Variants in PTPN2 observed in about 807,000 individuals in gnomAD.
PTPN2 encodes tyrosine-protein phosphatase non-receptor type 2.
In PTPN2, 19 loss-of-function variants were observed where a neutral mutation model predicts 57.3. That is an observed-to-expected ratio of 0.33 (90% CI 0.23 to 0.49). The LOEUF (loss-of-function observed/expected upper bound fraction) is 0.49. Among genes scored for constraint, PTPN2 ranks in the 20% least tolerant of loss-of-function variants. The pLI is 0.99. For synonymous variants in PTPN2, 153 were observed against 164.9 expected, an observed-to-expected ratio of 0.93 and a Z score of 0.55; for missense variants, 358 against 501.1, an observed-to-expected ratio of 0.71 and a Z score of 2.73.
chr18:12,824,499 T>C (rs557993699), intron 5 of PTPN2, among the ~76,000 whole-genome samples: 1 of 152,330 alleles, frequency 6.6e-6, no homozygotes, highest in African/African-American at 2.4e-5. Context: ...ATTTACTTAA[T>C]GGTTAACTAA....
chr18:12,884,183 G>A lies in PTPN2; in HGVS notation c.-42C>T, dbSNP rs1301360294. The A allele has an allele frequency of 1.3e-6, 2 of 1,526,164 alleles. No individual in the cohort carries two copies. Among genetic ancestry groups the A allele is most frequent in the South Asian group, 1.2e-5 (1 of 83,608 alleles). 94.5% of individuals were successfully genotyped at this position (1,526,164 alleles called of 1,614,324 possible). A position where few individuals can be genotyped will look rare whatever the true frequency, so the allele number is the denominator to read the frequency against. ...TGGCGCGAGCAGAGCCTGCGCCGGC[G>A]GAGAGGCTCAGGCCCCGCACGATCC... On this transcript the variant is annotated 5_prime_UTR_variant, in exon 1 of 9. Transcript: ENST00000309660.
intron 7 of PTPN2, among the ~76,000 whole-genome samples, chr18:12,807,582 A>ATATATATAT (rs764663687): frequency 6.5e-5 from 4 of 61,492 alleles, no homozygotes; most frequent in Admixed American, 2.5e-4. Context: ...AAAAAAAAAA[A>ATATATATAT]AAAAATATAT....
At chr18:12,842,806 A>AT in intron 2 of PTPN2, among the ~76,000 whole-genome samples, 1 of 152,362 alleles carries the variant, frequency 6.6e-6, no homozygotes, top group South Asian at 2.1e-4. Flanking sequence ...GTAGAGTGTC[A>AT]TAACAATTTA....
downstream of PTPN2, among the ~76,000 whole-genome samples, chr18:12,790,321 G>A (rs1403265378): frequency 2.6e-5 from 4 of 152,118 alleles, no homozygotes; most frequent in Admixed American, 6.5e-5. Flanking sequence ...GGGAATGTAG[G>A]TACTCATTAT....
chr18:12,883,262 A>T (rs2044724591), intron 1 of PTPN2, among the ~76,000 whole-genome samples: 1 of 152,188 alleles, frequency 6.6e-6, no homozygotes, highest in Non-Finnish European at 1.5e-5. Context: ...ATACCTCAGT[A>T]AGGAAAACTA....
At chr18:12,807,568 G>GGA (rs1491298104) in intron 7 of PTPN2, among the ~76,000 whole-genome samples, 5 of 41,196 alleles carry the variant, frequency 1.2e-4, no homozygotes, top group East Asian at 1.2e-3. Context: ...AGAAAATGTG[G>GGA]AAAAAAAAAA....
intron 2 of PTPN2, among the ~76,000 whole-genome samples, chr18:12,837,415 C>T (rs188062035): frequency 5.1e-4 from 78 of 152,090 alleles, no homozygotes; most frequent in Non-Finnish European, 9.9e-4. Flanking sequence ...TTGGAATATT[C>T]CAACTGTATT....
intron 7 of PTPN2, among the ~76,000 whole-genome samples, chr18:12,812,666 A>G (rs1214664316): frequency 1.3e-5 from 2 of 152,150 alleles, no homozygotes; most frequent in African/African-American, 4.8e-5. Flanking sequence ...ATCAGTAATC[A>G]CTTCATATGC....
At chr18:12,832,484 A>T (rs1188447427) in intron 3 of PTPN2, among the ~76,000 whole-genome samples, 1 of 152,138 alleles carries the variant, frequency 6.6e-6, no homozygotes, top group Non-Finnish European at 1.5e-5. Context: ...ATATTACTTA[A>T]ATGAATAAAC....
chr18:12,833,538 G>A (rs2042742510), intron 3 of PTPN2, among the ~76,000 whole-genome samples: 1 of 152,170 alleles, frequency 6.6e-6, no homozygotes, highest in South Asian at 2.1e-4. Flanking sequence ...TACAGAGAGG[G>A]AATGCAGAAG....
rs144020314 is a variant in PTPN2 at position 12,794,958 on chromosome 18, T to C, written c.1041-473A>G. On this transcript the variant is annotated intron_variant, in intron 8 of 8. Coordinates refer to ENST00000309660, the MANE Select transcript of PTPN2 (RefSeq NM_002828.4). ...TCAATATTCTTTAATGATTCAGAGA[T>C]GTACCTTGACAACCATTCCTGGTAC... Among the ~76,000 whole-genome samples the C allele has an allele frequency of 7.4e-3, 1,131 of 152,322 alleles. 14 individuals are homozygous for C. Among genetic ancestry groups the C allele is most frequent in the African/African-American group, 0.026 (1,079 of 41,582 alleles).
intron 3 of PTPN2, among the ~76,000 whole-genome samples, chr18:12,835,402 G>GTTT (rs2042826926): frequency 1.5e-4 from 1 of 6,844 alleles, no homozygotes; most frequent in Non-Finnish European, 3.9e-4. Flanking sequence ...TTTTTGGACA[G>GTTT]TTTTGCTCTT....
chr18:12,789,279 T>C (rs1393514957), downstream of PTPN2, among the ~76,000 whole-genome samples: 2 of 152,162 alleles, frequency 1.3e-5, no homozygotes, highest in Non-Finnish European at 2.9e-5. Flanking sequence ...GCTTTGAAGA[T>C]AGCTATAAGG....
At chr18:12,851,273 A>T in intron 2 of PTPN2, among the ~76,000 whole-genome samples, 2 of 9,244 alleles carry the variant, frequency 2.2e-4, no homozygotes, top group Admixed American at 2.4e-3. Flanking sequence ...AGGTCAGGAG[A>T]TCGAGACCAT....
At chr18:12,808,311 A>G (rs892652719) in intron 7 of PTPN2, among the ~76,000 whole-genome samples, 15 of 135,868 alleles carry the variant, frequency 1.1e-4, no homozygotes, top group Non-Finnish European at 2.2e-4. Context: ...ACATAATAAT[A>G]TATAATTAAA....
chr18:12,838,364 C>T (rs368232625), intron 2 of PTPN2, among the ~76,000 whole-genome samples: 2 of 152,338 alleles, frequency 1.3e-5, no homozygotes, highest in African/African-American at 4.8e-5. Flanking sequence ...ACCCCACACC[C>T]TTGCCCAGCT....
At chr18:12,839,256 C>CAT (rs2042967722) in intron 2 of PTPN2, among the ~76,000 whole-genome samples, 1 of 152,192 alleles carries the variant, frequency 6.6e-6, no homozygotes, top group African/African-American at 2.4e-5. Context: ...TTTGTGAGAG[C>CAT]ATATACACAG....
intron 2 of PTPN2, among the ~76,000 whole-genome samples, chr18:12,850,775 C>T (rs977361298): frequency 2.6e-5 from 4 of 151,584 alleles, no homozygotes; most frequent in South Asian, 2.1e-4. Context: ...GTTTCGCTCT[C>T]GTTGCCCAGG....
At chr18:12,820,685 C>T (rs901097874) in intron 5 of PTPN2, among the ~76,000 whole-genome samples, 1 of 152,184 alleles carries the variant, frequency 6.6e-6, no homozygotes, top group Admixed American at 6.5e-5. Context: ...ACCCTTCTCG[C>T]TGCTTCACCC....
Sources: allele counts gnomAD v4.1 joint callset (sites outside exome capture counted in the v4.1 genomes callset), GRCh38; gene constraint gnomAD v4.1.1; transcripts MANE v1.5; gene names NCBI Gene and HGNC (gene_info 2026-07-23, HGNC 2026-07-21).